Variants in PDZRN4 observed in about 807,000 individuals in gnomAD.
The protein encoded by PDZRN4 is PDZ domain-containing RING finger protein 4.
PDZRN4 carries 70 observed loss-of-function variants against 99.0 expected under a neutral mutation model. The observed-to-expected ratio is 0.71, with a 90% CI of 0.58 to 0.86. The LOEUF (loss-of-function observed/expected upper bound fraction) is 0.86. Ranked by LOEUF, PDZRN4 falls within the 40% of genes least tolerant of loss-of-function variation. The pLI is 0.00. For missense variants in PDZRN4, 1,474 were observed against 1,331.2 expected (o/e 1.11, Z -1.67); for synonymous variants, 551 against 501.6 (o/e 1.10, Z -1.32).
intron 3 of PDZRN4, among the ~76,000 whole-genome samples, chr12:41,361,925 G>A (rs1429066341): frequency 6.6e-6 from 1 of 151,900 alleles, no homozygotes. Context: ...GCTGACTCGC[G>A]TCGCACCAGC....
intron 3 of PDZRN4, among the ~76,000 whole-genome samples, chr12:41,291,032 A>T (rs758416140): frequency 4.4e-4 from 64 of 146,968 alleles, no homozygotes; most frequent in African/African-American, 4.4e-4. Flanking sequence ...GTTGCTTTTT[A>T]AAAAAAAATG....
At chr12:41,345,293 A>G (rs1291746680) in intron 3 of PDZRN4, among the ~76,000 whole-genome samples, 1 of 152,136 alleles carries the variant, frequency 6.6e-6, no homozygotes, top group African/African-American at 2.4e-5. Context: ...ACTGAATATT[A>G]GACAAATTAG....
At chr12:41,246,982 T>G (rs1951137533) in intron 3 of PDZRN4, among the ~76,000 whole-genome samples, 1 of 152,200 alleles carries the variant, frequency 6.6e-6, no homozygotes, top group Non-Finnish European at 1.5e-5. Context: ...TTCAGGAATT[T>G]CTATGTCATT....
chr12:41,259,995 A>G (rs1396982693), intron 3 of PDZRN4, among the ~76,000 whole-genome samples: 1 of 152,182 alleles, frequency 6.6e-6, no homozygotes, highest in African/African-American at 2.4e-5. Flanking sequence ...ACTTTATTTT[A>G]GAATACTGTT....
intron 3 of PDZRN4, among the ~76,000 whole-genome samples, chr12:41,301,188 G>C (rs546216098): frequency 6.6e-6 from 1 of 151,962 alleles, no homozygotes; most frequent in Non-Finnish European, 1.5e-5. Context: ...AAGGGGGATG[G>C]GGGAAGAGGC....
At chr12:41,447,661 T>C (rs1008915292) in intron 3 of PDZRN4, among the ~76,000 whole-genome samples, 2 of 152,132 alleles carry the variant, frequency 1.3e-5, no homozygotes, top group African/African-American at 4.8e-5. Flanking sequence ...AGATATGTAA[T>C]ACTGTCCCCA....
intron 3 of PDZRN4, among the ~76,000 whole-genome samples, chr12:41,283,106 A>C (rs1411387563): frequency 6.6e-6 from 1 of 151,424 alleles, no homozygotes; most frequent in Admixed American, 6.6e-5. Flanking sequence ...TTAAAAGATT[A>C]ACAGAATTAG....
At chr12:41,240,957 C>T (rs954361878) in intron 3 of PDZRN4, among the ~76,000 whole-genome samples, 2 of 152,068 alleles carry the variant, frequency 1.3e-5, no homozygotes, top group Non-Finnish European at 2.9e-5. Flanking sequence ...TCTTGACCTA[C>T]TAATTCTGTA....
At chr12:41,248,732 C>T (rs774085864) in intron 3 of PDZRN4, among the ~76,000 whole-genome samples, 2 of 152,024 alleles carry the variant, frequency 1.3e-5, no homozygotes, top group East Asian at 1.9e-4. Flanking sequence ...ATTCTACCAG[C>T]AGTCTTAGAA....
At chr12:41,513,799 C>T (rs1938348821) in intron 5 of PDZRN4, among the ~76,000 whole-genome samples, 1 of 152,078 alleles carries the variant, frequency 6.6e-6, no homozygotes, top group Non-Finnish European at 1.5e-5. Context: ...ATGTTTGCAA[C>T]TGCCTGAGTG....
At chr12:41,208,229 G>A (rs942995557) in intron 3 of PDZRN4, among the ~76,000 whole-genome samples, 5 of 151,886 alleles carry the variant, frequency 3.3e-5, no homozygotes, top group Admixed American at 2.0e-4. Flanking sequence ...AAGTCTTTAA[G>A]TGTAAGCTTT....
intron 3 of PDZRN4, among the ~76,000 whole-genome samples, chr12:41,452,670 C>T (rs932130890): frequency 1.3e-5 from 2 of 152,232 alleles, no homozygotes; most frequent in South Asian, 2.1e-4. Flanking sequence ...AAATGCAATA[C>T]ATTTAATTTT....
intron 3 of PDZRN4, among the ~76,000 whole-genome samples, chr12:41,377,985 C>T (rs1408625950): frequency 6.6e-6 from 1 of 152,052 alleles, no homozygotes; most frequent in African/African-American, 2.4e-5. Context: ...CTTCTTCTTG[C>T]TTGATGCTAT....
chr12:41,503,165 A>G (rs771361025), intron 3 of PDZRN4, among the ~76,000 whole-genome samples: 1 of 152,132 alleles, frequency 6.6e-6, no homozygotes, highest in Non-Finnish European at 1.5e-5. Context: ...TGCATTTTCT[A>G]AGGGATCATG....
At chr12:41,234,846 A>G (rs535709285) in intron 3 of PDZRN4, among the ~76,000 whole-genome samples, 2 of 152,230 alleles carry the variant, frequency 1.3e-5, no homozygotes, top group South Asian at 4.1e-4. Flanking sequence ...CTCAGCCTTC[A>G]AAGATGAAAT....
chr12:41,380,772 T>C lies in PDZRN4; in HGVS notation c.844-125684T>C, dbSNP rs886296608. Among the ~76,000 whole-genome samples, 10 of 152,266 alleles carry C rather than the reference T, an allele frequency of 6.6e-5. 1 individual carries two copies. The highest frequency in any genetic ancestry group is 2.6e-4 in the Admixed American group (4 of 15,294). ...GTTGAAAGTGATTTATGTATCACCA[T>C]TACAGTATTAAAGAATTCTAAATCT... On this transcript the variant is annotated intron_variant, in intron 3 of 9. Coordinates refer to ENST00000402685, the MANE Select transcript of PDZRN4 (RefSeq NM_001164595.2).
At chr12:41,242,080 A>G (rs944541266) in intron 3 of PDZRN4, among the ~76,000 whole-genome samples, 5 of 152,140 alleles carry the variant, frequency 3.3e-5, no homozygotes, top group African/African-American at 9.7e-5. Flanking sequence ...GTGGGTCTAG[A>G]GTTCCTCTGA....
chr12:41,399,914 A>G (rs1177370140), intron 3 of PDZRN4, among the ~76,000 whole-genome samples: 3 of 151,860 alleles, frequency 2.0e-5, no homozygotes, highest in Non-Finnish European at 4.4e-5. Flanking sequence ...CTGATAAAGG[A>G]GGCTCCACAC....
chr12:41,511,227 G>A (rs1938298736), intron 5 of PDZRN4, among the ~76,000 whole-genome samples: 1 of 151,880 alleles, frequency 6.6e-6, no homozygotes, highest in South Asian at 2.1e-4. Context: ...AGGGCATAGG[G>A]GAAGATTGTT....
Sources: allele counts gnomAD v4.1 joint callset (sites outside exome capture counted in the v4.1 genomes callset), GRCh38; gene constraint gnomAD v4.1.1; transcripts MANE v1.5; gene names NCBI Gene and HGNC (gene_info 2026-07-23, HGNC 2026-07-21).